NECAB2: variants seen among roughly 807,000 people sequenced by gnomAD.
NECAB2 encodes N-terminal EF-hand calcium binding protein 2, also known as N-terminal EF-hand calcium-binding protein 2.
NECAB2 carries 68 observed loss-of-function variants against 51.9 expected under a neutral mutation model. The observed-to-expected ratio is 1.31, with a 90% CI of 1.08 to 1.60. The LOEUF is 1.60. Ranked by LOEUF, NECAB2 falls within the 40% of genes most tolerant of loss-of-function variation. The pLI, the probability that NECAB2 is intolerant of heterozygous loss-of-function variation, is 0.00. For missense variants in NECAB2, 854 were observed against 490.3 expected, an observed-to-expected ratio of 1.74 and a Z score of -7.00; for synonymous variants, 329 against 203.5, an observed-to-expected ratio of 1.62 and a Z score of -5.25.
At chr16:83,999,442 G>C (rs903870298) in intron 10 of NECAB2, among the ~76,000 whole-genome samples, 1 of 152,178 alleles carries the variant, frequency 6.6e-6, no homozygotes, top group East Asian at 1.9e-4. Context: ...TGTCGAGTTG[G>C]AGACGGCAAG....
At chr16:83,982,846 C>CT (rs956098832) in intron 5 of NECAB2, among the ~76,000 whole-genome samples, 38 of 150,418 alleles carry the variant, frequency 2.5e-4, no homozygotes, top group South Asian at 8.5e-4. Flanking sequence ...TTGGCATTTC[C>CT]TTTTTTTTTG....
chr16:83,970,999 CAGG>C (rs773459358), intron 1 of NECAB2, among the ~76,000 whole-genome samples: 21 of 151,946 alleles, frequency 1.4e-4, no homozygotes, highest in Non-Finnish European at 2.2e-4. Context: ...AAGGCTGATA[CAGG>C]AGAATTGCTT....
chr16:83,974,373 C>T (rs1467600862), intron 2 of NECAB2, among the ~76,000 whole-genome samples: 1 of 152,180 alleles, frequency 6.6e-6, no homozygotes, highest in East Asian at 1.9e-4. Context: ...GATAGTTGCT[C>T]TCCTGGCTTC....
At chr16:83,995,160 G>C (rs1320347794) in intron 8 of NECAB2, among the ~76,000 whole-genome samples, 1 of 152,226 alleles carries the variant, frequency 6.6e-6, no homozygotes, top group African/African-American at 2.4e-5. Flanking sequence ...ACGTCCACAG[G>C]TGATAGAAAA....
At chr16:83,991,082 A>C (rs2084618790) in intron 6 of NECAB2, among the ~76,000 whole-genome samples, 1 of 152,222 alleles carries the variant, frequency 6.6e-6, no homozygotes, top group African/African-American at 2.4e-5. Context: ...CCCTGGGTTC[A>C]AGCAATTCTC....
chr16:83,965,933 G>A, upstream of NECAB2: 2 of 1,612,348 alleles, frequency 1.2e-6, no homozygotes, highest in Non-Finnish European at 1.7e-6. Flanking sequence ...GGACAACTTC[G>A]TGAGGTTTGT....
chr16:83,980,794 C>A lies in NECAB2; in HGVS notation c.336-45C>A, dbSNP rs1243561486. On this transcript the variant is annotated intron_variant, in intron 3 of 12. Transcript: ENST00000305202. ...GCTGTGCAGGGTCAGGCCTGCTAAC[C>A]CCCTCTCTGTCTCTGTCTGTCTCTG... 9 of 1,554,790 alleles carry A rather than the reference C, an allele frequency of 5.8e-6. No homozygotes were observed. The Admixed American group carries it at 7.8e-5, about 14-fold the overall frequency.
In NECAB2 at chr16:84,002,427, T is replaced by G; in HGVS notation, c.*81T>G. ...ATCCCGTTTTTTTCTAGACAGACAC[T>G]TTGGTGCAGAAGCTTCTTTTCAATC... On this transcript the variant is annotated 3_prime_UTR_variant, in exon 13 of 13. Coordinates refer to ENST00000305202, the MANE Select transcript of NECAB2 (RefSeq NM_019065.3). 3 of 1,517,584 alleles carry G rather than the reference T, an allele frequency of 2.0e-6. No homozygotes were observed. Among genetic ancestry groups the G allele is most frequent in the Non-Finnish European group, 2.7e-6 (3 of 1,095,326 alleles). 94.0% of individuals were successfully genotyped at this position (1,517,584 alleles called of 1,614,324 possible).
rs2084840531 is a variant in NECAB2 at position 84,001,752 on chromosome 16, A to AAATGG, written c.1041-73_1041-72insAATGG. 7 of 1,529,050 alleles carry AAATGG rather than the reference A, an allele frequency of 4.6e-6. No individual in the cohort carries two copies. The African/African-American group carries it at 6.9e-5, about 15-fold the overall frequency. 94.7% of individuals were successfully genotyped at this position (1,529,050 alleles called of 1,614,324 possible). A position where few individuals can be genotyped will look rare whatever the true frequency, so the allele number is the denominator to read the frequency against. On this transcript the variant is annotated intron_variant, in intron 11 of 12. Transcript: ENST00000305202. ...AAGCTCCCCATTTTGGGCTAGAGCTAGGATTAACAGGGGAGCCACACGCGG... is the reference window on the plus strand; with the variant it reads ...AAGCTCCCCATTTTGGGCTAGAGCTAAATGGGGATTAACAGGGGAGCCACACGCGG...
chr16:83,965,953 C>T (rs536349060), upstream of NECAB2: 46 of 1,609,922 alleles, frequency 2.9e-5, no homozygotes, highest in Middle Eastern at 1.7e-4. Context: ...TGCAGGGGGG[C>T]GCCTTGGCTG....
intron 5 of NECAB2, among the ~76,000 whole-genome samples, chr16:83,982,568 A>G (rs1265846263): frequency 6.6e-6 from 1 of 151,994 alleles, no homozygotes; most frequent in Non-Finnish European, 1.5e-5. Context: ...GGAAATGGAA[A>G]CCACCTCCTT....
At position 83,997,281 on chromosome 16, in the gene NECAB2, T is replaced by A; in HGVS notation, c.849+12T>A. 6.2e-7 allele frequency: 1 copy of A among 1,613,982 alleles called. No homozygotes were observed. Among genetic ancestry groups the A allele is most frequent in the Non-Finnish European group, 8.5e-7 (1 of 1,179,980 alleles). ...ATGGCACCAACATGGTGAGGCCCCT[T>A]CCCACCTCTCTTCTGGGACCACATC... On this transcript the variant is annotated intron_variant, in intron 9 of 12. Transcript: ENST00000305202.
chr16:83,994,201 G>C, intron 6 of NECAB2, 101 bp from the exon 7 acceptor site: 1 of 1,038,256 alleles, frequency 9.6e-7, no homozygotes, highest in South Asian at 1.3e-5. Flanking sequence ...GCATGTGTGA[G>C]TCCACTGTCT....
At chr16:83,989,391 CCT>C (rs1244082925) in intron 5 of NECAB2, among the ~76,000 whole-genome samples, 3 of 152,224 alleles carry the variant, frequency 2.0e-5, no homozygotes, top group Non-Finnish European at 4.4e-5. Flanking sequence ...CCCTCCTCCT[CCT>C]CTGTTTCTCA....
chr16:83,974,363 G>C, intron 2 of NECAB2, among the ~76,000 whole-genome samples: 1 of 152,194 alleles, frequency 6.6e-6, no homozygotes, highest in Admixed American at 6.5e-5. Context: ...TCTGAGGATA[G>C]ATAGTTGCTC....
intron 2 of NECAB2, among the ~76,000 whole-genome samples, chr16:83,972,647 G>C (rs921128536): frequency 6.6e-6 from 1 of 152,224 alleles, no homozygotes; most frequent in Admixed American, 6.5e-5. Context: ...GCCCAGAGAG[G>C]TTAAGCAATT....
At chr16:83,993,974 G>A (rs11862628) in intron 6 of NECAB2, among the ~76,000 whole-genome samples, 10,448 of 152,154 alleles carry the variant, frequency 0.069, 1,172 homozygotes, top group African/African-American at 0.24. Flanking sequence ...ACACGTGCCC[G>A]AAAGCTTCGA....
intron 9 of NECAB2, 88 bp downstream of exon 9, chr16:83,997,357 C>G (rs2084722655): frequency 2.0e-5 from 31 of 1,530,218 alleles, no homozygotes; most frequent in South Asian, 3.4e-5. Context: ...GCCCCTGACC[C>G]CGCTCTCCCT....
chr16:83,991,137 C>T (rs1314042175), intron 6 of NECAB2, among the ~76,000 whole-genome samples: 1 of 151,940 alleles, frequency 6.6e-6, no homozygotes, highest in African/African-American at 2.4e-5. Flanking sequence ...TGTGTAACAC[C>T]ATGCCTGGCT....
Sources: allele counts gnomAD v4.1 joint callset (sites outside exome capture counted in the v4.1 genomes callset), GRCh38; gene constraint gnomAD v4.1.1; transcripts MANE v1.5; gene names NCBI Gene and HGNC (gene_info 2026-07-23, HGNC 2026-07-21).